Variants in ST8SIA6 observed in about 807,000 individuals in gnomAD.
The protein encoded by ST8SIA6 is alpha-2,8-sialyltransferase 8F.
In ST8SIA6, 39 loss-of-function variants were observed where a neutral mutation model predicts 33.6. That is an observed-to-expected ratio of 1.16 (90% CI 0.90 to 1.52). The LOEUF (loss-of-function observed/expected upper bound fraction) is 1.52. ST8SIA6 is among the 40% of genes most tolerant of loss of function. The probability of loss-of-function intolerance (pLI) is 0.00; values close to 1 mark genes in which losing one functional copy is unlikely to be tolerated. For missense variants in ST8SIA6, 441 were observed against 443.8 expected (o/e 0.99, Z 0.06); for synonymous variants, 172 against 167.2 (o/e 1.03, Z -0.22).
intron 6 of ST8SIA6, among the ~76,000 whole-genome samples, chr10:17,323,616 C>T (rs904524329): frequency 2.4e-4 from 36 of 151,924 alleles, no homozygotes; most frequent in South Asian, 1.5e-3. Context: ...AACCCATGAC[C>T]TCAAGTGATC....
intron 2 of ST8SIA6, among the ~76,000 whole-genome samples, chr10:17,415,315 C>T (rs1313470202): frequency 6.6e-6 from 1 of 152,196 alleles, no homozygotes; most frequent in Admixed American, 6.5e-5. Flanking sequence ...CCAAAGGTCC[C>T]TCCCTACCTA....
intron 2 of ST8SIA6, among the ~76,000 whole-genome samples, chr10:17,444,199 A>G (rs1271668068): frequency 1.3e-5 from 2 of 152,094 alleles, no homozygotes; most frequent in East Asian, 3.9e-4. Context: ...TCTAATAAGG[A>G]GACACTGAAT....
In ST8SIA6 at chr10:17,374,209, T is replaced by TA. The variant is rs34878315; in HGVS notation, c.291-14610dup. ...TTTTTTATCTTTAAACTGAGGGAGTTAAAAAAAAAAGTCATACATGCTCAT... is the reference window on the plus strand; with the variant it reads ...TTTTTTATCTTTAAACTGAGGGAGTTAAAAAAAAAAAGTCATACATGCTCAT... On this transcript the variant is annotated intron_variant, in intron 3 of 7. Coordinates refer to ENST00000377602, the MANE Select transcript of ST8SIA6 (RefSeq NM_001004470.3). 9.3e-3 allele frequency among the ~76,000 whole-genome samples: 1,376 copies of TA among 147,392 alleles called. 14 individuals are homozygous for TA. Among genetic ancestry groups the TA allele is most frequent in the African/African-American group, 0.028 (1,108 of 40,104 alleles).
intron 4 of ST8SIA6, among the ~76,000 whole-genome samples, chr10:17,345,072 G>A (rs1848790156): frequency 6.6e-6 from 1 of 152,130 alleles, no homozygotes; most frequent in Non-Finnish European, 1.5e-5. Context: ...TTAGAACACG[G>A]TGCCGTCAGT....
Position 17,454,085 on chromosome 10 carries a change from C to A in ST8SIA6, c.101+70G>T, listed in dbSNP as rs1242775493. 1 of 245,156 alleles carries A rather than the reference C, an allele frequency of 4.1e-6. No individual in the cohort carries two copies. The allele number at this position is 245,156 out of a possible 1,614,324, so 15.2% of individuals were successfully genotyped here. On this transcript the variant is annotated intron_variant, in intron 1 of 7. Transcript: ENST00000377602. The surrounding 1 kb of genome is among the most constrained non-coding windows in gnomAD (Gnocchi z 4.1). ...TCCGCGCCCGAGGGGAAGCGATGGG[C>A]GGCTTGGGGGTCCGGGGGCGCCAGG...
At position 17,449,356 on chromosome 10, in the gene ST8SIA6, TTA is replaced by T. The variant is rs1852831007; in HGVS notation, c.200+4201_200+4202del. On this transcript the variant is annotated intron_variant, in intron 2 of 7. Transcript: ENST00000377602. ...AGCCAATGAAAAACTTTGACAAAGC[TTA>T]TTAGCAAGAGAAAGGATCCATTGTA... is the stretch of plus-strand genomic sequence containing the variant. 8.5e-5 allele frequency among the ~76,000 whole-genome samples: 13 copies of T among 152,200 alleles called. No homozygotes were observed. In the South Asian group the frequency reaches 2.5e-3, roughly 29 times the overall value.
intron 2 of ST8SIA6, among the ~76,000 whole-genome samples, chr10:17,404,275 C>T (rs1032703980): frequency 2.0e-5 from 3 of 152,086 alleles, no homozygotes; most frequent in African/African-American, 4.8e-5. Flanking sequence ...TACCCGAAGT[C>T]GCTGTCCGAG....
chr10:17,334,779 A>G (rs1422020485), intron 4 of ST8SIA6, among the ~76,000 whole-genome samples: 3 of 152,124 alleles, frequency 2.0e-5, no homozygotes, highest in Non-Finnish European at 4.4e-5. Flanking sequence ...ATGGAGTGAA[A>G]CATTATTATT....
intron 3 of ST8SIA6, among the ~76,000 whole-genome samples, chr10:17,379,062 G>C (rs968280610): frequency 1.3e-5 from 2 of 151,578 alleles, no homozygotes; most frequent in Non-Finnish European, 2.9e-5. Context: ...GGAGGCAGTG[G>C]TTGCAGTGAG....
chr10:17,347,269 G>T (rs80118037), intron 4 of ST8SIA6, among the ~76,000 whole-genome samples: 3,230 of 152,238 alleles, frequency 0.021, 46 homozygotes, highest in African/African-American at 0.032. Context: ...GATTGCAAAA[G>T]GATAGATTTA....
intron 4 of ST8SIA6, among the ~76,000 whole-genome samples, chr10:17,353,028 C>T (rs1236062801): frequency 1.3e-5 from 2 of 152,048 alleles, no homozygotes; most frequent in East Asian, 3.8e-4. Flanking sequence ...GAATTGTAAA[C>T]AGCAAACATT....
At chr10:17,377,174 C>T (rs1448587181) in intron 3 of ST8SIA6, among the ~76,000 whole-genome samples, 1 of 152,150 alleles carries the variant, frequency 6.6e-6, no homozygotes, top group African/African-American at 2.4e-5. Context: ...CAGTGAATCT[C>T]AGGAGCTCCC....
chr10:17,394,505 T>C (rs1850732102), intron 2 of ST8SIA6, among the ~76,000 whole-genome samples: 1 of 152,124 alleles, frequency 6.6e-6, no homozygotes, highest in South Asian at 2.1e-4. Flanking sequence ...AATCAGTCAT[T>C]GTTATTGCCA....
intron 4 of ST8SIA6, among the ~76,000 whole-genome samples, chr10:17,332,675 G>A (rs776164731): frequency 6.6e-6 from 1 of 152,018 alleles, no homozygotes; most frequent in African/African-American, 2.4e-5. Context: ...GGCCAGGCTG[G>A]TCTCGAACTC....
chr10:17,412,327 C>T (rs1400207251), intron 2 of ST8SIA6, among the ~76,000 whole-genome samples: 1 of 152,278 alleles, frequency 6.6e-6, no homozygotes, highest in East Asian at 1.9e-4. Flanking sequence ...CCAAGCCAAG[C>T]CCAATCCCCA....
intron 2 of ST8SIA6, among the ~76,000 whole-genome samples, chr10:17,423,363 T>G (rs1019611504): frequency 1.3e-5 from 2 of 152,230 alleles, no homozygotes; most frequent in African/African-American, 4.8e-5. Flanking sequence ...CATCTTATTT[T>G]CATTTCCTGC....
chr10:17,323,858 T>C (rs987694001), intron 6 of ST8SIA6, among the ~76,000 whole-genome samples: 7 of 152,192 alleles, frequency 4.6e-5, no homozygotes, highest in Admixed American at 1.3e-4. Flanking sequence ...TGATCACCAA[T>C]TGGCATATTC....
intron 3 of ST8SIA6, among the ~76,000 whole-genome samples, chr10:17,368,367 A>G (rs1328928954): frequency 1.5e-5 from 2 of 136,494 alleles, no homozygotes; most frequent in Non-Finnish European, 3.1e-5. Flanking sequence ...AGATCGCACC[A>G]TTGTACTCCA....
At chr10:17,402,594 A>G (rs1445212068) in intron 2 of ST8SIA6, among the ~76,000 whole-genome samples, 2 of 152,244 alleles carry the variant, frequency 1.3e-5, no homozygotes, top group African/African-American at 4.8e-5. Context: ...CTATGCAGCT[A>G]TAAAAAAGGA....
Sources: allele counts gnomAD v4.1 joint callset (sites outside exome capture counted in the v4.1 genomes callset), GRCh38; gene constraint gnomAD v4.1.1; non-coding constraint Gnocchi (gnomAD v3.1); transcripts MANE v1.5; gene names NCBI Gene and HGNC (gene_info 2026-07-23, HGNC 2026-07-21).